The following DNAH14 variants were observed in gnomAD, a reference collection of about 807,000 sequenced individuals.
DNAH14 encodes axonemal beta dynein heavy chain 14.
DNAH14 carries 478 observed loss-of-function variants against 520.9 expected under a neutral mutation model. The ratio of observed to expected loss-of-function variants is 0.92; its 90% CI spans 0.85 to 0.99. The LOEUF (loss-of-function observed/expected upper bound fraction) is 0.99, where lower values mean the gene tolerates loss of function less well. Ranked by LOEUF, DNAH14 falls within the 50% of genes least tolerant of loss-of-function variation. The pLI is 0.00. For synonymous variants in DNAH14, 1,581 were observed against 1,757.2 expected (o/e 0.90, Z 2.51); for missense variants, 4,831 against 5,234.5 (o/e 0.92, Z 2.38).
chr1:225,148,375 C>CTAAT (rs1437995932), intron 31 of DNAH14, among the ~76,000 whole-genome samples: 1 of 138,328 alleles, frequency 7.2e-6, no homozygotes, highest in Non-Finnish European at 1.6e-5. Flanking sequence ...TTGCTTTTCT[C>CTAAT]TAATGATCAG....
chr1:225,130,065 A>G (rs145613968), intron 27 of DNAH14, among the ~76,000 whole-genome samples: 3,863 of 152,338 alleles, frequency 0.025, 77 homozygotes, highest in Non-Finnish European at 0.041. Context: ...GACACATGAA[A>G]AAATGCTCAC....
At chr1:225,047,017 A>G (rs2148268596) in intron 15 of DNAH14, among the ~76,000 whole-genome samples, 1 of 152,246 alleles carries the variant, frequency 6.6e-6, no homozygotes, top group Non-Finnish European at 1.5e-5. Flanking sequence ...GGAACCCTGG[A>G]TTAGAGAAGG....
At chr1:225,001,490 T>C (rs1167317991) in intron 8 of DNAH14, among the ~76,000 whole-genome samples, 1 of 152,140 alleles carries the variant, frequency 6.6e-6, no homozygotes, top group Non-Finnish European at 1.5e-5. Context: ...GAATTCCTTA[T>C]AATACTTATG....
chr1:225,249,206 C>T (rs2092439744), intron 43 of DNAH14, among the ~76,000 whole-genome samples: 1 of 152,158 alleles, frequency 6.6e-6, no homozygotes. Flanking sequence ...TATGAGTTAT[C>T]CATTATATTC....
At chr1:225,368,085 T>C (rs569261110) in intron 77 of DNAH14, 53 bp downstream of exon 77, 4 of 1,415,866 alleles carry the variant, frequency 2.8e-6, no homozygotes, top group Middle Eastern at 2.5e-4. Flanking sequence ...AAGATACAAA[T>C]TGAGAGCCTA....
At position 225,340,449 on chromosome 1, in the gene DNAH14, A is replaced by G. The variant is rs748801080; in HGVS notation, c.10434-8A>G. The G allele has an allele frequency of 3.9e-6, 6 of 1,523,934 alleles. No individual in the cohort carries two copies. The highest frequency in any genetic ancestry group is 2.0e-5 in the Admixed American group (1 of 49,656). 94.4% of individuals were successfully genotyped at this position (1,523,934 alleles called of 1,614,324 possible). On this transcript the variant is annotated splice_polypyrimidine_tract_variant and splice_region_variant and intron_variant, in intron 68 of 85. Transcript: ENST00000682510. ...TCTTTGAATAACTGGTGCCTTTCTCATGTTCAGGTTATACTTATCTACAGA... is the reference window on the plus strand; with the variant it reads ...TCTTTGAATAACTGGTGCCTTTCTCGTGTTCAGGTTATACTTATCTACAGA...
intron 38 of DNAH14, among the ~76,000 whole-genome samples, chr1:225,199,982 T>C (rs1167419447): frequency 6.6e-6 from 1 of 152,200 alleles, no homozygotes; most frequent in African/African-American, 2.4e-5. Flanking sequence ...TTCTTAGGTC[T>C]ATTTGTAATC....
chr1:225,274,702 C>T (rs995634164), intron 52 of DNAH14, among the ~76,000 whole-genome samples: 1 of 152,168 alleles, frequency 6.6e-6, no homozygotes, highest in Admixed American at 6.5e-5. Context: ...AATGAGCAAG[C>T]AAATACTTAC....
In DNAH14 at chr1:225,232,163, G is replaced by A. The variant is rs907551194; in HGVS notation, c.6518+1012G>A. ...CATCCTGTATGATCTTCTGCCACTT[G>A]CATCTTTTGTTCAACATTACATGTT... On this transcript the variant is annotated intron_variant, in intron 42 of 85. Coordinates refer to ENST00000682510, the MANE Select transcript of DNAH14 (RefSeq NM_001367479.1). This position sits in a 1 kb window ranked among gnomAD's most constrained non-coding sequence, Gnocchi z 4.2. 2.0e-5 allele frequency among the ~76,000 whole-genome samples: 3 copies of A among 151,844 alleles called. No homozygotes were observed. Among genetic ancestry groups the A allele is most frequent in the African/African-American group, 7.3e-5 (3 of 41,340 alleles).
chr1:225,367,008 TACACACACACACACACACAC>T (rs111814272), intron 76 of DNAH14, among the ~76,000 whole-genome samples: 2 of 149,394 alleles, frequency 1.3e-5, no homozygotes, highest in African/African-American at 2.5e-5. Context: ...CTCATGTTCA[TACACACACACACACACACAC>T]ACACACACAC....
intron 78 of DNAH14, among the ~76,000 whole-genome samples, chr1:225,375,392 A>C (rs1482754157): frequency 6.6e-6 from 1 of 152,210 alleles, no homozygotes; most frequent in African/African-American, 2.4e-5. Flanking sequence ...AGAATCCTAC[A>C]GACCTCTGAC....
intron 11 of DNAH14, among the ~76,000 whole-genome samples, chr1:225,027,372 A>G (rs982434832): frequency 6.6e-6 from 1 of 152,130 alleles, no homozygotes. Flanking sequence ...ATCATTAAGT[A>G]TGATGTGCCT....
chr1:225,084,997 C>T (rs1216875825), intron 20 of DNAH14, among the ~76,000 whole-genome samples: 1 of 151,878 alleles, frequency 6.6e-6, no homozygotes, highest in African/African-American at 2.4e-5. Flanking sequence ...TAACTGATCC[C>T]ACCATCCTTA....
chr1:225,185,946 GTTTTTTT>G (rs11443248), intron 37 of DNAH14, among the ~76,000 whole-genome samples: 1 of 98,784 alleles, frequency 1.0e-5, no homozygotes, highest in Non-Finnish European at 1.9e-5. Flanking sequence ...ATTACACTTT[GTTTTTTT>G]TTTTTTTTTT....
chr1:224,986,316 A>T (rs1480613536), intron 8 of DNAH14, among the ~76,000 whole-genome samples: 1 of 135,082 alleles, frequency 7.4e-6, no homozygotes, highest in Non-Finnish European at 1.5e-5. Flanking sequence ...ACAAAGGCTT[A>T]TTAAAAAAAA....
chr1:225,062,998 A>AG (rs1197568767), intron 17 of DNAH14, among the ~76,000 whole-genome samples: 1 of 152,186 alleles, frequency 6.6e-6, no homozygotes, highest in Non-Finnish European at 1.5e-5. Context: ...TACAACTAAG[A>AG]GAAAAAAAAT....
chr1:225,215,716 A>G (rs984608036), intron 41 of DNAH14, among the ~76,000 whole-genome samples: 5 of 151,778 alleles, frequency 3.3e-5, no homozygotes, highest in African/African-American at 1.2e-4. Flanking sequence ...TAGGATTGCA[A>G]CCCTGCCTTT....
At chr1:225,242,349 C>G (rs1212558935) in intron 43 of DNAH14, among the ~76,000 whole-genome samples, 1 of 151,956 alleles carries the variant, frequency 6.6e-6, no homozygotes, top group Non-Finnish European at 1.5e-5. Context: ...TAGCTTAAAG[C>G]AAAAACACAT....
At chr1:225,098,627 C>T (rs981036518) in intron 22 of DNAH14, among the ~76,000 whole-genome samples, 1 of 152,142 alleles carries the variant, frequency 6.6e-6, no homozygotes, top group Non-Finnish European at 1.5e-5. Context: ...ATGTATATTT[C>T]TTATCATATG....
Sources: allele counts gnomAD v4.1 joint callset (sites outside exome capture counted in the v4.1 genomes callset), GRCh38; gene constraint gnomAD v4.1.1; non-coding constraint Gnocchi (gnomAD v3.1); transcripts MANE v1.5; gene names NCBI Gene and HGNC (gene_info 2026-07-23, HGNC 2026-07-21).